The following SHANK2 variants were observed in gnomAD, a reference collection of about 807,000 sequenced individuals.
The protein encoded by SHANK2 is SH3 and multiple ankyrin repeat domains protein 2.
A neutral mutation model predicts 133.7 loss-of-function variants in SHANK2; 43 were observed. That is an observed-to-expected ratio of 0.32 (90% CI 0.25 to 0.41). The LOEUF is 0.41. Ranked by LOEUF, SHANK2 falls within the 10% of genes least tolerant of loss-of-function variation. The pLI is 1.00. For synonymous variants in SHANK2, 1,017 were observed against 952.8 expected (o/e 1.07, Z -1.24); for missense variants, 1,994 against 2,235.8 (o/e 0.89, Z 2.18).
rs1555055541 is a variant in SHANK2 at position 70,820,420 on chromosome 11, G to A, written c.1437C>T (p.Asn479=). The part of the protein sequence containing the change: ...PGPRSRSPSL[N]RLGGAGEDGK... ...CGTCCTCGCCTGCGCCGCCCAGCCT[G>A]TTGAGCGATGGGGACCGGCTGCGGG... Residue 479 remains asparagine (N), a synonymous_variant, in exon 12 of 26, where the codon AAC becomes AAT. Transcript: ENST00000601538. 7.1e-6 allele frequency: 5 copies of A among 704,214 alleles called. No homozygotes were observed. Among genetic ancestry groups the A allele is most frequent in the Non-Finnish European group, 1.1e-5 (4 of 375,466 alleles). 43.6% of individuals were successfully genotyped at this position (704,214 alleles called of 1,614,324 possible). A position where few individuals can be genotyped will look rare whatever the true frequency, so the allele number is the denominator to read the frequency against.
intron 9 of SHANK2, among the ~76,000 whole-genome samples, chr11:71,065,277 A>C (rs1951034391): frequency 6.6e-6 from 1 of 150,972 alleles, no homozygotes; most frequent in East Asian, 2.0e-4. Flanking sequence ...GGAGATAAAC[A>C]GTGAGTGGGG....
chr11:71,128,216 A>G (rs1169863227), intron 3 of SHANK2, among the ~76,000 whole-genome samples: 5 of 152,004 alleles, frequency 3.3e-5, no homozygotes, highest in African/African-American at 4.8e-5. Flanking sequence ...TGAGTTTCAT[A>G]TTTTGCCTTA....
chr11:71,108,155 C>T (rs575805193), intron 6 of SHANK2, among the ~76,000 whole-genome samples: 14 of 152,218 alleles, frequency 9.2e-5, no homozygotes, highest in Non-Finnish European at 1.9e-4. Context: ...GCACCTGGGT[C>T]CATTTACCTT....
intron 1 of SHANK2, among the ~76,000 whole-genome samples, chr11:71,251,094 A>AC (rs1221187516): frequency 4.7e-5 from 7 of 147,746 alleles, no homozygotes; most frequent in African/African-American, 1.5e-4. Context: ...CTTTCGCCTG[A>AC]CCCCCCCACC....
chr11:70,692,448 G>A (rs1211997575), intron 15 of SHANK2, among the ~76,000 whole-genome samples: 2 of 152,244 alleles, frequency 1.3e-5, no homozygotes, highest in Non-Finnish European at 2.9e-5. Context: ...GAAGACTCAG[G>A]GAGGGGAGGC....
chr11:71,102,631 C>T lies in SHANK2; in HGVS notation c.592+7310G>A, dbSNP rs1216727973. ...GATGGGAACATGCCCAGGCTGCTGC[C>T]GACAACCAGGTGGAAAGTGGGAATG... On this transcript the variant is annotated intron_variant, in intron 6 of 25. Transcript: ENST00000601538. 3.3e-5 allele frequency among the ~76,000 whole-genome samples: 5 copies of T among 152,352 alleles called. No homozygotes were observed. In the South Asian group the frequency reaches 6.2e-4, roughly 19 times the overall value.
chr11:70,557,422 T>C (rs557686423), intron 17 of SHANK2, among the ~76,000 whole-genome samples: 40 of 152,162 alleles, frequency 2.6e-4, no homozygotes, highest in African/African-American at 8.9e-4. Flanking sequence ...TGGAGGGCGT[T>C]CCATATGGAA....
chr11:71,207,955 A>T (rs1437326094), intron 2 of SHANK2, among the ~76,000 whole-genome samples: 1 of 151,712 alleles, frequency 6.6e-6, no homozygotes, highest in Admixed American at 6.6e-5. Flanking sequence ...ATTTCAACAA[A>T]TTCCACTGCA....
intron 3 of SHANK2, among the ~76,000 whole-genome samples, chr11:71,146,887 T>G (rs1254495688): frequency 3.3e-5 from 5 of 151,778 alleles, no homozygotes; most frequent in South Asian, 2.1e-4. Context: ...GTGGATGGAG[T>G]TGGGGACAAT....
chr11:70,759,203 C>A (rs1555039659), intron 14 of SHANK2, among the ~76,000 whole-genome samples: 1 of 144,678 alleles, frequency 6.9e-6, no homozygotes, highest in East Asian at 2.2e-4. Context: ...AACAAAAAAA[C>A]TGAGTTCTGG....
intron 3 of SHANK2, among the ~76,000 whole-genome samples, chr11:71,120,613 C>G (rs561598697): frequency 6.6e-6 from 1 of 152,156 alleles, no homozygotes. Flanking sequence ...GCTGAGCTCA[C>G]GTGTGGCTCT....
At chr11:70,635,219 T>C (rs1340080413) in intron 17 of SHANK2, 1 of 152,160 alleles carries the variant, frequency 6.6e-6, no homozygotes, top group African/African-American at 2.4e-5. Context: ...CCCGAAGGCA[T>C]TGACAGCGGG....
At chr11:70,611,266 G>C (rs1486780214) in intron 17 of SHANK2, among the ~76,000 whole-genome samples, 6 of 152,242 alleles carry the variant, frequency 3.9e-5, no homozygotes, top group African/African-American at 1.4e-4. Context: ...GAGTTTATCA[G>C]TGTTGCAAAG....
At chr11:70,715,532 T>C (rs1384790887) in intron 14 of SHANK2, among the ~76,000 whole-genome samples, 1 of 152,168 alleles carries the variant, frequency 6.6e-6, no homozygotes, top group Non-Finnish European at 1.5e-5. Flanking sequence ...CCCTCCCAAA[T>C]TGGCTGGACA....
At chr11:71,192,826 A>G (rs540395887) in intron 2 of SHANK2, among the ~76,000 whole-genome samples, 11 of 152,372 alleles carry the variant, frequency 7.2e-5, no homozygotes, top group African/African-American at 2.4e-4. Context: ...GTGATAGGAA[A>G]AGGTGACACC....
intron 17 of SHANK2, among the ~76,000 whole-genome samples, chr11:70,649,556 AC>A (rs1555009530): frequency 6.6e-6 from 1 of 151,892 alleles, no homozygotes; most frequent in East Asian, 1.9e-4. Flanking sequence ...GAAACTCCCC[AC>A]GAAAGGGCAC....
intron 2 of SHANK2, among the ~76,000 whole-genome samples, chr11:71,216,963 G>A (rs2135712849): frequency 6.6e-6 from 1 of 151,528 alleles, no homozygotes; most frequent in East Asian, 2.0e-4. Flanking sequence ...TTGGGAGGCT[G>A]AGGTGGGAGG....
intron 11 of SHANK2, among the ~76,000 whole-genome samples, chr11:70,845,539 T>C (rs1166164722): frequency 1.3e-5 from 2 of 152,000 alleles, no homozygotes; most frequent in African/African-American, 4.8e-5. Flanking sequence ...GTGCCGAGGA[T>C]AGAGAGGCGG....
intron 14 of SHANK2, among the ~76,000 whole-genome samples, chr11:70,730,569 G>T (rs1300387853): frequency 6.6e-6 from 1 of 152,112 alleles, no homozygotes; most frequent in Non-Finnish European, 1.5e-5. Context: ...ACTGTCCTCA[G>T]AGCTGCCTGA....
Sources: gnomAD v4.1 joint callset for allele counts (sites outside exome capture counted in the v4.1 genomes callset) on GRCh38, gnomAD v4.1.1 for gene constraint, MANE v1.5 for transcripts, NCBI Gene and HGNC (gene_info 2026-07-23, HGNC 2026-07-21) for gene names.